GRM8: variants seen among roughly 807,000 people sequenced by gnomAD.
GRM8 encodes the protein metabotropic glutamate receptor 8.
In GRM8, 47 loss-of-function variants were observed where a neutral mutation model predicts 87.2. The ratio of observed to expected loss-of-function variants is 0.54; its 90% CI spans 0.43 to 0.69. The LOEUF (loss-of-function observed/expected upper bound fraction) is 0.69, where lower values mean the gene tolerates loss of function less well. GRM8 is among the 30% of genes least tolerant of loss of function. GRM8 has a pLI of 0.00. For synonymous variants in GRM8, 396 were observed against 404.5 expected, an observed-to-expected ratio of 0.98 and a Z score of 0.25; for missense variants, 1,019 against 1,139.2, an observed-to-expected ratio of 0.89 and a Z score of 1.52.
At chr7:127,134,193 T>C (rs937764085) in intron 2 of GRM8, among the ~76,000 whole-genome samples, 5 of 152,366 alleles carry the variant, frequency 3.3e-5, no homozygotes, top group Admixed American at 2.6e-4. Flanking sequence ...TCATATACTC[T>C]ATCAGGCACT....
intron 9 of GRM8, among the ~76,000 whole-genome samples, chr7:126,508,674 CCAAA>C (rs1810866518): frequency 6.6e-6 from 1 of 152,022 alleles, no homozygotes; most frequent in Non-Finnish European, 1.5e-5. Context: ...AATGATCCTT[CCAAA>C]CATTTATACT....
At chr7:126,536,451 T>C (rs1161958665) in intron 8 of GRM8, among the ~76,000 whole-genome samples, 1 of 152,196 alleles carries the variant, frequency 6.6e-6, no homozygotes, top group Non-Finnish European at 1.5e-5. Flanking sequence ...TGCTACTTCA[T>C]CTGTCATATG....
intron 7 of GRM8, among the ~76,000 whole-genome samples, chr7:126,709,231 A>G (rs1269641621): frequency 6.6e-6 from 1 of 152,160 alleles, no homozygotes; most frequent in African/African-American, 2.4e-5. Flanking sequence ...CTGCAATGAA[A>G]TATCACCTCA....
At chr7:126,908,610 C>A (rs1477143922) in intron 3 of GRM8, among the ~76,000 whole-genome samples, 1 of 152,154 alleles carries the variant, frequency 6.6e-6, no homozygotes, top group African/African-American at 2.4e-5. Flanking sequence ...TCAGAAGAAG[C>A]AAACAAGCAA....
At chr7:126,955,698 A>G (rs1489346023) in intron 3 of GRM8, among the ~76,000 whole-genome samples, 1 of 152,132 alleles carries the variant, frequency 6.6e-6, no homozygotes, top group African/African-American at 2.4e-5. Context: ...ACAAATCCCA[A>G]TGGGTCTTTT....
chr7:126,784,171 C>A (rs1176395348), intron 6 of GRM8, among the ~76,000 whole-genome samples: 2 of 152,088 alleles, frequency 1.3e-5, no homozygotes, highest in Non-Finnish European at 2.9e-5. Context: ...CCAGTAAGAA[C>A]TGAATCACTA....
chr7:126,657,121 T>C (rs1804613884), intron 7 of GRM8, among the ~76,000 whole-genome samples: 1 of 152,034 alleles, frequency 6.6e-6, no homozygotes, highest in South Asian at 2.1e-4. Flanking sequence ...AAATAAGGCA[T>C]AGGGAAATTA....
At chr7:126,644,812 A>T (rs185113710) in intron 7 of GRM8, among the ~76,000 whole-genome samples, 33 of 152,346 alleles carry the variant, frequency 2.2e-4, no homozygotes, top group African/African-American at 7.2e-4. Context: ...AAAAGGTCAT[A>T]ATAGATAACC....
In GRM8 at chr7:127,212,410, A is replaced by ATTT. The variant is rs144077638; in HGVS notation, c.510+30282_510+30284dup. Among the ~76,000 whole-genome samples, 779 of 97,572 alleles carry ATTT rather than the reference A, an allele frequency of 8.0e-3. 28 individuals are homozygous for ATTT. The highest frequency in any genetic ancestry group is 0.015 in the African/African-American group (331 of 22,108). The allele number at this position is 97,572 out of a possible 152,430, so 64.0% of individuals were successfully genotyped here. On this transcript the variant is annotated intron_variant, in intron 2 of 10. Coordinates refer to ENST00000339582, the MANE Select transcript of GRM8 (RefSeq NM_000845.3). The stretch of plus-strand genomic sequence containing the variant: ...TATGAGCACACTAGGACATGGTGTT[A>ATTT]TTTTTTTTTTTTTTTTTTTTTTTTT...
At position 126,439,205 on chromosome 7, in the gene GRM8, T is replaced by C. The variant is rs373281049; in HGVS notation, c.2678-37A>G. 4.5e-4 allele frequency: 473 copies of C among 1,053,126 alleles called. 1 individual carries two copies. Among genetic ancestry groups the C allele is most frequent in the Non-Finnish European group, 5.0e-4 (332 of 670,524 alleles). 65.2% of individuals were successfully genotyped at this position (1,053,126 alleles called of 1,614,324 possible). On this transcript the variant is annotated intron_variant, in intron 10 of 10. Coordinates refer to ENST00000339582, the MANE Select transcript of GRM8 (RefSeq NM_000845.3). Reference sequence around the variant, plus strand: ...AATGAGGACAAATTAAAATAGTATATAATAATACATCCTTTTGTTAATATG... The same window carrying C: ...AATGAGGACAAATTAAAATAGTATACAATAATACATCCTTTTGTTAATATG...
chr7:126,877,188 C>T (rs1340368885), intron 6 of GRM8, among the ~76,000 whole-genome samples: 2 of 152,114 alleles, frequency 1.3e-5, no homozygotes, highest in Admixed American at 1.3e-4. Flanking sequence ...CTCTCTGCAA[C>T]TTTTTGGTCT....
chr7:126,976,193 G>C (rs1810965601), intron 3 of GRM8, among the ~76,000 whole-genome samples: 2 of 152,134 alleles, frequency 1.3e-5, no homozygotes, highest in African/African-American at 2.4e-5. Flanking sequence ...TTCTGGTCCT[G>C]GTCCATATTG....
chr7:126,443,196 T>C (rs768519012), intron 10 of GRM8, among the ~76,000 whole-genome samples: 2 of 147,952 alleles, frequency 1.4e-5, no homozygotes, highest in Admixed American at 6.9e-5. Flanking sequence ...ATGTACAGCA[T>C]TTGTTAATTG....
chr7:127,165,946 T>C (rs980671500), intron 2 of GRM8, among the ~76,000 whole-genome samples: 1 of 152,150 alleles, frequency 6.6e-6, no homozygotes, highest in Non-Finnish European at 1.5e-5. Context: ...AGCAACATGA[T>C]CCAAGAGCTC....
At chr7:126,904,814 T>A in intron 3 of GRM8, 131 bp from the exon 4 acceptor site, 1 of 758,626 alleles carries the variant, frequency 1.3e-6, no homozygotes. Flanking sequence ...CACTCTCACC[T>A]ATTAAGAGCA....
intron 1 of GRM8, among the ~76,000 whole-genome samples, chr7:127,249,324 A>T (rs1798738711): frequency 1.3e-5 from 2 of 152,146 alleles, no homozygotes; most frequent in Non-Finnish European, 2.9e-5. Flanking sequence ...GAGTGAGTGG[A>T]TTCATTAGCA....
At chr7:127,051,213 G>T (rs1210049490) in intron 3 of GRM8, among the ~76,000 whole-genome samples, 1 of 152,058 alleles carries the variant, frequency 6.6e-6, no homozygotes, top group African/African-American at 2.4e-5. Context: ...CCCCACTCTG[G>T]GTGTACAGAA....
intron 3 of GRM8, among the ~76,000 whole-genome samples, chr7:126,926,761 G>C (rs752570747): frequency 3.2e-4 from 49 of 152,084 alleles, no homozygotes; most frequent in Non-Finnish European, 4.3e-4. Context: ...CCTTCATCTG[G>C]ACATGTCCTG....
At chr7:126,989,141 C>A (rs2131929267) in intron 3 of GRM8, among the ~76,000 whole-genome samples, 1 of 152,224 alleles carries the variant, frequency 6.6e-6, no homozygotes, top group Admixed American at 6.5e-5. Flanking sequence ...TTAATATTAA[C>A]CTTCCTAAGT....
Sources: gnomAD v4.1 joint callset for allele counts (sites outside exome capture counted in the v4.1 genomes callset) on GRCh38, gnomAD v4.1.1 for gene constraint, MANE v1.5 for transcripts, NCBI Gene and HGNC (gene_info 2026-07-23, HGNC 2026-07-21) for gene names.